The following SMC2 variants were observed in gnomAD, a reference collection of about 807,000 sequenced individuals.
SMC2 encodes the protein structural maintenance of chromosomes protein 2.
Under a neutral mutation model 142.6 loss-of-function variants are expected in SMC2, and 41 were observed. The ratio of observed to expected loss-of-function variants is 0.29; its 90% CI spans 0.22 to 0.37. The LOEUF is 0.37. SMC2 is among the 10% of genes least tolerant of loss of function. The probability of loss-of-function intolerance (pLI) is 1.00; values close to 1 mark genes in which losing one functional copy is unlikely to be tolerated. For synonymous variants in SMC2, 463 were observed against 457.5 expected (o/e 1.01, Z -0.15); for missense variants, 1,265 against 1,373.7 (o/e 0.92, Z 1.25).
intron 14 of SMC2, 118 bp from the exon 15 acceptor site, chr9:104,118,053 T>C (rs1254195254): frequency 2.8e-6 from 2 of 721,444 alleles, no homozygotes; most frequent in Non-Finnish European, 4.4e-6. Flanking sequence ...GAAAGAGTTT[T>C]AATGCTAGGT....
At chr9:104,118,453 C>A in intron 15 of SMC2, 78 bp downstream of exon 15, 1 of 1,128,614 alleles carries the variant, frequency 8.9e-7, no homozygotes, top group Non-Finnish European at 1.3e-6. Context: ...ATTTTTAGCC[C>A]AACTACCCAC....
At chr9:104,116,073 A>G (rs1312477464) in intron 13 of SMC2, 127 bp from the exon 14 acceptor site, 5 of 744,110 alleles carry the variant, frequency 6.7e-6, no homozygotes, top group African/African-American at 1.8e-5. Flanking sequence ...TCCATTGCAT[A>G]TGTAATTATA....
intron 22 of SMC2, among the ~76,000 whole-genome samples, 172 bp from the exon 23 acceptor site, chr9:104,134,243 G>GCTTT (rs1376001750): frequency 6.6e-6 from 1 of 152,074 alleles, no homozygotes; most frequent in African/African-American, 2.4e-5. Context: ...ACCGATAGAC[G>GCTTT]CTTTGTAAAT....
At chr9:104,093,980 G>A (rs557951176), upstream of SMC2, among the ~76,000 whole-genome samples, 1 of 152,214 alleles carries the variant, frequency 6.6e-6, no homozygotes, top group Non-Finnish European at 1.5e-5. Context: ...CCGCAGACTG[G>A]AGAAGGCGGA....
chr9:104,128,492 T>C (rs77854732), intron 20 of SMC2, among the ~76,000 whole-genome samples: 2 of 152,128 alleles, frequency 1.3e-5, no homozygotes, highest in African/African-American at 4.8e-5. Flanking sequence ...AATCAAAGAT[T>C]TATACATACC....
intron 2 of SMC2, 22 bp from the exon 3 acceptor site, chr9:104,096,126 C>A (rs750465600): frequency 2.5e-6 from 4 of 1,606,032 alleles, no homozygotes; most frequent in Non-Finnish European, 3.4e-6. Context: ...GTAATTGTTA[C>A]ACTTTTCATA....
chr9:104,122,369 CA>C, intron 16 of SMC2, among the ~76,000 whole-genome samples: 1 of 152,160 alleles, frequency 6.6e-6, no homozygotes, highest in Non-Finnish European at 1.5e-5. Flanking sequence ...CTACATTCCA[CA>C]TTTTTAAATT....
chr9:104,095,809 C>G (rs1412430180), intron 2 of SMC2, among the ~76,000 whole-genome samples: 1 of 152,182 alleles, frequency 6.6e-6, no homozygotes, highest in African/African-American at 2.4e-5. Context: ...TATTTTCAAC[C>G]CTGTGTAATG....
intron 24 of SMC2, among the ~76,000 whole-genome samples, 167 bp from the exon 25 acceptor site, chr9:104,138,972 T>C (rs1835836543): frequency 6.6e-6 from 1 of 152,044 alleles, no homozygotes; most frequent in Non-Finnish European, 1.5e-5. Flanking sequence ...AAAGTAAAAT[T>C]AAGAGACTTC....
At chr9:104,113,529 A>G in intron 11 of SMC2, 54 bp downstream of exon 11, 1 of 1,415,162 alleles carries the variant, frequency 7.1e-7, no homozygotes, top group South Asian at 1.5e-5. Context: ...GATTTTTGAT[A>G]AAAAGCTAAT....
intron 9 of SMC2, among the ~76,000 whole-genome samples, chr9:104,107,081 A>G (rs1042275031): frequency 3.9e-5 from 6 of 152,206 alleles, no homozygotes; most frequent in African/African-American, 1.2e-4. Context: ...CATTTTTTTC[A>G]TGAAGCCTGC....
chr9:104,095,563 A>T lies in SMC2; in HGVS notation c.168+11A>T, dbSNP rs1334957434. 1 of 1,605,588 alleles carries T rather than the reference A, an allele frequency of 6.2e-7. No individual in the cohort carries two copies. The highest frequency in any genetic ancestry group is 1.1e-5 in the South Asian group (1 of 90,516). The stretch of plus-strand genomic sequence containing the variant: ...TCCAACCTGTCTCAGGTAAAGTGTA[A>T]ACTTTCTGATTTATTTGAATTTAAG... On this transcript the variant is annotated intron_variant, in intron 2 of 24. Coordinates refer to ENST00000374793, the MANE Select transcript of SMC2 (RefSeq NM_006444.3).
In SMC2 at chr9:104,139,518, G is replaced by T. The variant is rs1040963975; in HGVS notation, c.*203G>T. The T allele has an allele frequency of 1.2e-5, 5 of 413,642 alleles. No homozygotes were observed. The highest frequency in any genetic ancestry group is 5.9e-5 in the South Asian group (1 of 17,094). 25.6% of individuals were successfully genotyped at this position (413,642 alleles called of 1,614,324 possible). A position where few individuals can be genotyped will look rare whatever the true frequency, so the allele number is the denominator to read the frequency against. On this transcript the variant is annotated 3_prime_UTR_variant, in exon 25 of 25. Coordinates refer to ENST00000374793, the MANE Select transcript of SMC2 (RefSeq NM_006444.3). ...AGTCTAATTATGGTCCAATTATTGT[G>T]GTTGTGATTTTATGCATATCATCAA...
intron 20 of SMC2, among the ~76,000 whole-genome samples, chr9:104,128,561 G>A (rs16923730): frequency 0.057 from 8,629 of 152,212 alleles, 659 homozygotes; most frequent in African/African-American, 0.18. Flanking sequence ...ACACATACAG[G>A]ATGCTTTCAA....
At chr9:104,135,208 GAC>G (rs1005082785) in intron 23 of SMC2, among the ~76,000 whole-genome samples, 3 of 151,982 alleles carry the variant, frequency 2.0e-5, no homozygotes, top group Admixed American at 2.0e-4. Flanking sequence ...ACTCTGAAAT[GAC>G]AGATGATGCA....
At chr9:104,092,449 A>T (rs1830002859), upstream of SMC2, 1 of 152,254 alleles carries the variant, frequency 6.6e-6, no homozygotes, top group South Asian at 2.1e-4. Context: ...CAAAGTCCAC[A>T]TTAGGATTTG....
chr9:104,116,240 G>A lies in SMC2; in HGVS notation c.1712G>A (p.Arg571His), dbSNP rs367564983. The change falls in exon 14 of 25, where the codon CGT becomes CAT. Residue 571 changes from arginine to histidine, a missense_variant. Arg to His is a conservative substitution (Grantham distance 29, BLOSUM62 0). Around this residue, in one of 4 missense-constraint regions of SMC2, gnomAD observed 898 missense variants for 904.2 expected, o/e 0.99. Transcript: ENST00000374793. The stretch of plus-strand genomic sequence containing the variant: ...CTACTAGAAAGGGGGGAACTGAAAC[G>A]TCGATACACTATAATTCCACTCAAT... ...KKLLERGELK[R>H]RYTIIPLNKI... 77 of 1,607,290 alleles carry A rather than the reference G, an allele frequency of 4.8e-5. No homozygotes were observed. The highest frequency in any genetic ancestry group is 5.9e-5 in the Non-Finnish European group (69 of 1,177,322).
chr9:104,133,807 A>T (rs1033601277), intron 22 of SMC2, among the ~76,000 whole-genome samples: 3 of 152,078 alleles, frequency 2.0e-5, no homozygotes, highest in African/African-American at 7.2e-5. Flanking sequence ...CAACAGCTTA[A>T]CCTCTTCGGC....
chr9:104,132,208 A>T (rs1835055499), intron 22 of SMC2, 83 bp downstream of exon 22: 1 of 742,958 alleles, frequency 1.3e-6, no homozygotes, highest in Non-Finnish European at 2.3e-6. Flanking sequence ...GAAATTTGAA[A>T]TAGCTGATCT....
Sources: allele counts gnomAD v4.1 joint callset (sites outside exome capture counted in the v4.1 genomes callset), GRCh38; gene constraint gnomAD v4.1.1; regional missense constraint gnomAD v4.1.1; transcripts MANE v1.5; gene names NCBI Gene and HGNC (gene_info 2026-07-23, HGNC 2026-07-21).